Variants in RFC1 observed in about 807,000 individuals in gnomAD.
RFC1 encodes A1 140 kDa subunit.
In RFC1, 37 loss-of-function variants were observed where a neutral mutation model predicts 137.4. That is an observed-to-expected ratio of 0.27 (90% CI 0.21 to 0.35). The LOEUF (loss-of-function observed/expected upper bound fraction) is 0.35, where lower values mean the gene tolerates loss of function less well. Ranked by LOEUF, RFC1 falls within the 10% of genes least tolerant of loss-of-function variation. The pLI, the probability that RFC1 is intolerant of heterozygous loss-of-function variation, is 1.00. For synonymous variants in RFC1, 429 were observed against 455.7 expected (o/e 0.94, Z 0.75); for missense variants, 1,205 against 1,358.5 (o/e 0.89, Z 1.78).
chr4:39,318,947 C>T (rs1312438815), intron 9 of RFC1, among the ~76,000 whole-genome samples: 1 of 152,114 alleles, frequency 6.6e-6, no homozygotes, highest in Non-Finnish European at 1.5e-5. Context: ...TAAAGTAGTT[C>T]CAAATTGGAG....
At chr4:39,338,681 G>A (rs1160609881) in intron 4 of RFC1, among the ~76,000 whole-genome samples, 1 of 151,958 alleles carries the variant, frequency 6.6e-6, no homozygotes, top group Non-Finnish European at 1.5e-5. Context: ...ATGATGTCAG[G>A]GGATACACAG....
intron 7 of RFC1, chr4:39,321,577 T>C (rs955695882): frequency 2.0e-6 from 1 of 512,522 alleles, no homozygotes. Flanking sequence ...AGGAAACAGA[T>C]GAAAGGGTAT....
chr4:39,339,164 G>C (rs1740496220), intron 4 of RFC1, among the ~76,000 whole-genome samples: 1 of 151,884 alleles, frequency 6.6e-6, no homozygotes, highest in South Asian at 2.1e-4. Flanking sequence ...CACTTAAGTT[G>C]TTTCCATATC....
At position 39,316,955 on chromosome 4, in the gene RFC1, C is replaced by T. The variant is rs760962792; in HGVS notation, c.1163G>A (p.Arg388Gln). ...GGAGCCCAGAGCCTTGGGACCTTCT[C>T]GATTTAAGTAGCTTCGATAAGCTTG... Reference protein sequence around the residue: ...NYQAYRSYLNREGPKALGSKE... With the variant: ...NYQAYRSYLNQEGPKALGSKE... The change falls in exon 10 of 25, where the codon CGA becomes CAA. Residue 388 changes from arginine (R) to glutamine (Q), a missense_variant. Around this residue, in one of 3 missense-constraint regions of RFC1, gnomAD observed 962 missense variants for 1,035.3 expected, o/e 0.93. Coordinates refer to ENST00000349703, the MANE Select transcript of RFC1 (RefSeq NM_002913.5). 2.5e-6 allele frequency: 4 copies of T among 1,614,004 alleles called. No individual in the cohort carries two copies. The highest frequency in any genetic ancestry group is 3.4e-6 in the Non-Finnish European group (4 of 1,179,936).
At chr4:39,353,898 G>A (rs573198358) in intron 1 of RFC1, among the ~76,000 whole-genome samples, 7 of 152,162 alleles carry the variant, frequency 4.6e-5, no homozygotes, top group South Asian at 4.1e-4. Flanking sequence ...ACCTGTTTTC[G>A]GACCAAAAAT....
intron 4 of RFC1, among the ~76,000 whole-genome samples, chr4:39,339,553 G>C (rs1433367328): frequency 6.6e-6 from 1 of 152,080 alleles, no homozygotes; most frequent in Non-Finnish European, 1.5e-5. Flanking sequence ...CTGGAGAAAT[G>C]TCTATTCAGG....
intron 1 of RFC1, among the ~76,000 whole-genome samples, chr4:39,359,210 T>C (rs1292952870): frequency 6.6e-6 from 1 of 152,184 alleles, no homozygotes; most frequent in Non-Finnish European, 1.5e-5. Flanking sequence ...CCACTGCCAC[T>C]GCCTTGATTC....
intron 3 of RFC1, among the ~76,000 whole-genome samples, chr4:39,344,592 T>C (rs139797115): frequency 9.6e-4 from 146 of 152,310 alleles, no homozygotes; most frequent in African/African-American, 3.3e-3. Context: ...TGAAACCCCA[T>C]CTCTACTAAA....
chr4:39,359,859 G>A (rs1444328376), intron 1 of RFC1, among the ~76,000 whole-genome samples: 1 of 151,558 alleles, frequency 6.6e-6, no homozygotes, highest in Non-Finnish European at 1.5e-5. Flanking sequence ...TGGACTCTGG[G>A]GAGTCAGGGA....
intron 14 of RFC1, 53 bp from the exon 15 acceptor site, chr4:39,304,981 C>T (rs534031606): frequency 6.8e-6 from 7 of 1,032,804 alleles, no homozygotes; most frequent in African/African-American, 6.4e-5. Flanking sequence ...AACTCCACCA[C>T]CCCCGCCAAG....
At chr4:39,362,869 G>A (rs1741827154) in intron 1 of RFC1, among the ~76,000 whole-genome samples, 1 of 152,246 alleles carries the variant, frequency 6.6e-6, no homozygotes, top group African/African-American at 2.4e-5. Context: ...AGAGAGGTAG[G>A]TAGGGGCCTT....
rs1560605110 is a variant in RFC1 at position 39,321,379 on chromosome 4, ACAAATTTTAAAAGTGT to A, written c.721-21_721-6del. The A allele has an allele frequency of 1.2e-6, 2 of 1,612,164 alleles. No homozygotes were observed. The highest frequency in any genetic ancestry group is 3.4e-5 in the Admixed American group (2 of 59,700). The stretch of plus-strand genomic sequence containing the variant: ...CGCTTCTGTGTCCTTTCGAGCCTAA[ACAAATTTTAAAAGTGT>A]CAAATGTGACAAATAATAGAAAAAC... On this transcript the variant is annotated splice_region_variant and splice_polypyrimidine_tract_variant and intron_variant, in intron 7 of 24. Coordinates refer to ENST00000349703, the MANE Select transcript of RFC1 (RefSeq NM_002913.5).
intron 5 of RFC1, among the ~76,000 whole-genome samples, chr4:39,327,318 C>T (rs959481509): frequency 1.3e-5 from 2 of 152,068 alleles, no homozygotes; most frequent in African/African-American, 2.4e-5. Context: ...GATCTTTTCC[C>T]GCTTTCAAGA....
intron 21 of RFC1, among the ~76,000 whole-genome samples, chr4:39,298,971 A>G (rs963371233): frequency 2.2e-4 from 34 of 152,174 alleles, no homozygotes; most frequent in African/African-American, 8.2e-4. Flanking sequence ...GGCCATAAAC[A>G]AAATCTCTGC....
chr4:39,288,787 C>T lies in RFC1; in HGVS notation c.3418G>A (p.Gly1140Arg). The change falls in exon 25 of 25, where the codon GGA (glycine) becomes AGA (arginine). Residue 1140 changes from glycine (G) to arginine (R), a missense_variant. Transcript: ENST00000349703. ...KPEKDKEPRK[G>R]KGKSSKK ...CATTTCTTCGAACTTTTTCCTTTTC[C>T]TTTTCTGGGCTCCTTATCTTTTTCT... 1 of 1,612,134 alleles carries T rather than the reference C, an allele frequency of 6.2e-7. No homozygotes were observed. Among genetic ancestry groups the T allele is most frequent in the South Asian group, 1.1e-5 (1 of 90,822 alleles).
At chr4:39,289,658 C>T in intron 24 of RFC1, 190 bp downstream of exon 24, 1 of 532,620 alleles carries the variant, frequency 1.9e-6, no homozygotes, top group South Asian at 2.9e-5. Flanking sequence ...TGCTGTTTGG[C>T]TCTTCGACTA....
intron 12 of RFC1, among the ~76,000 whole-genome samples, chr4:39,310,786 T>C (rs1362531874): frequency 5.3e-5 from 8 of 152,226 alleles, no homozygotes; most frequent in Non-Finnish European, 1.0e-4. Flanking sequence ...AAATTTATCA[T>C]GCTAATACCT....
intron 2 of RFC1, among the ~76,000 whole-genome samples, chr4:39,350,629 T>A (rs1039344002): frequency 2.6e-5 from 4 of 152,038 alleles, no homozygotes; most frequent in African/African-American, 9.7e-5. Context: ...AAATTCCATA[T>A]CCAGCAAAAA....
intron 22 of RFC1, among the ~76,000 whole-genome samples, chr4:39,293,897 G>A (rs2109582596): frequency 6.6e-6 from 1 of 152,322 alleles, no homozygotes; most frequent in East Asian, 1.9e-4. Flanking sequence ...GAGCCATGGG[G>A]AAAGCAGACT....
Sources: gnomAD v4.1 joint callset for allele counts (sites outside exome capture counted in the v4.1 genomes callset) on GRCh38, gnomAD v4.1.1 for gene constraint, gnomAD v4.1.1 regional missense constraint, MANE v1.5 for transcripts, NCBI Gene and HGNC (gene_info 2026-07-23, HGNC 2026-07-21) for gene names.